The following ASPSCR1 variants were observed in gnomAD, a reference collection of about 807,000 sequenced individuals.
ASPSCR1 encodes the protein ASPSCR1 tether for SLC2A4, UBX domain containing.
Under a neutral mutation model 68.9 loss-of-function variants are expected in ASPSCR1, and 55 were observed. The observed-to-expected ratio is 0.80, with a 90% CI of 0.64 to 1.00. The LOEUF is 1.00. Ranked by LOEUF, ASPSCR1 falls within the 50% of genes least tolerant of loss-of-function variation. The pLI is 0.00. For synonymous variants in ASPSCR1, 352 were observed against 332.6 expected, an observed-to-expected ratio of 1.06 and a Z score of -0.63; for missense variants, 765 against 762.2, an observed-to-expected ratio of 1.00 and a Z score of -0.04.
chr17:82,004,346 T>C (rs1013799661), intron 7 of ASPSCR1: 6 of 151,952 alleles, frequency 3.9e-5, no homozygotes, highest in Non-Finnish European at 7.4e-5. Context: ...CCTTCCAGTT[T>C]CGGGGCATCT....
intron 12 of ASPSCR1, among the ~76,000 whole-genome samples, chr17:82,012,722 G>A (rs918585878): frequency 8.5e-5 from 13 of 152,146 alleles, no homozygotes; most frequent in African/African-American, 2.2e-4. Context: ...CCCCCTGCCC[G>A]GCCTCTCCCG....
At chr17:82,015,357 G>T in intron 12 of ASPSCR1, 1 of 1,596,554 alleles carries the variant, frequency 6.3e-7, no homozygotes. Context: ...GACAGGCCGG[G>T]TAGGCTGCCT....
In ASPSCR1 at chr17:81,977,944, G is replaced by C; in HGVS notation, c.102+196G>C. On this transcript the variant is annotated intron_variant, in intron 1 of 15. Coordinates refer to ENST00000306739, the MANE Select transcript of ASPSCR1 (RefSeq NM_024083.4). The surrounding 1 kb of genome is among the most constrained non-coding windows in gnomAD (Gnocchi z 5.0). ...GGGTCCCGGGGGTCCCGGGGGTCCC[G>C]AGTGGGGGCGGGGCGGTGGCGAGCC... 1 of 334,400 alleles carries C rather than the reference G, an allele frequency of 3.0e-6. No homozygotes were observed. The highest frequency in any genetic ancestry group is 5.2e-6 in the Non-Finnish European group (1 of 191,038). The allele number at this position is 334,400 out of a possible 1,614,324, so 20.7% of individuals were successfully genotyped here. A position where few individuals can be genotyped will look rare whatever the true frequency, so the allele number is the denominator to read the frequency against.
intron 7 of ASPSCR1, among the ~76,000 whole-genome samples, chr17:82,002,195 A>G (rs1333818335): frequency 6.6e-6 from 1 of 151,256 alleles, no homozygotes; most frequent in African/African-American, 2.4e-5. Flanking sequence ...AAAATTAAAA[A>G]GTGATTTTTT....
rs2042911687 is a variant in ASPSCR1, at chr17:82,010,822, C to T, written c.1191C>T (p.Phe397=). The change falls in exon 10 of 16, where the codon TTC becomes TTT. Residue 397 remains phenylalanine (F), a synonymous_variant. Transcript: ENST00000306739. ...CCTAGGTGGCTCTGAGGGTCCTGTTCCCCGACCGCTACGTCCTACAGGGCT... is the reference window on the plus strand; with the variant it reads ...CCTAGGTGGCTCTGAGGGTCCTGTTTCCCGACCGCTACGTCCTACAGGGCT... The part of the protein sequence containing the change: ...RYPKVALRVL[F]PDRYVLQGFF... The T allele has an allele frequency of 6.2e-7, 1 of 1,613,220 alleles. No individual in the cohort carries two copies. The highest frequency in any genetic ancestry group is 2.2e-5 in the East Asian group (1 of 44,872).
At chr17:81,991,789 C>T (rs978120871) in intron 4 of ASPSCR1, among the ~76,000 whole-genome samples, 7 of 152,234 alleles carry the variant, frequency 4.6e-5, no homozygotes, top group Non-Finnish European at 1.0e-4. Flanking sequence ...CTTCTGTTCC[C>T]GGCAGGGCGC....
chr17:81,988,306 C>T (rs1245269980), intron 4 of ASPSCR1, among the ~76,000 whole-genome samples: 2 of 151,902 alleles, frequency 1.3e-5, no homozygotes, highest in African/African-American at 4.8e-5. Flanking sequence ...ACTAAAAATA[C>T]AAAAATTAGC....
At chr17:82,008,898 C>A in intron 7 of ASPSCR1, 139 bp from the exon 8 acceptor site, 1 of 1,240,550 alleles carries the variant, frequency 8.1e-7, no homozygotes, top group Non-Finnish European at 1.1e-6. Flanking sequence ...CTGGCCTTGG[C>A]CCTGCGCTGG....
intron 5 of ASPSCR1, 186 bp downstream of exon 5, chr17:81,995,064 C>A: frequency 1.7e-6 from 1 of 572,032 alleles, no homozygotes; most frequent in Non-Finnish European, 3.0e-6. Flanking sequence ...CCCGAAACCT[C>A]CCTCGGCGCC....
intron 3 of ASPSCR1, among the ~76,000 whole-genome samples, chr17:81,984,139 AG>A (rs1209376146): frequency 6.6e-6 from 1 of 152,054 alleles, no homozygotes; most frequent in Non-Finnish European, 1.5e-5. Context: ...TGCAGGCGTG[AG>A]CCTCTGCGCC....
chr17:81,978,908 G>A, intron 1 of ASPSCR1: 1 of 538,986 alleles, frequency 1.9e-6, no homozygotes, highest in Non-Finnish European at 3.3e-6. Flanking sequence ...TGTGTGCCAG[G>A]AAGATGCCCG....
chr17:82,001,738 G>A (rs1402127059), intron 7 of ASPSCR1, among the ~76,000 whole-genome samples: 4 of 152,178 alleles, frequency 2.6e-5, no homozygotes, highest in Non-Finnish European at 5.9e-5. Context: ...TCCCCTGGTT[G>A]GGATTGTTCC....
intron 7 of ASPSCR1, 69 bp downstream of exon 7, chr17:81,996,915 T>C: frequency 6.6e-7 from 1 of 1,515,366 alleles, no homozygotes; most frequent in Non-Finnish European, 8.8e-7. Flanking sequence ...TGCGTGGCTT[T>C]AGCTGGTCAG....
intron 3 of ASPSCR1, among the ~76,000 whole-genome samples, chr17:81,985,170 ACACC>A (rs2041953841): frequency 2.0e-5 from 3 of 146,930 alleles, no homozygotes; most frequent in South Asian, 2.2e-4. Context: ...ACACCTGCAC[ACACC>A]CACACACCAA....
In ASPSCR1 at chr17:81,996,057, C is replaced by T; in HGVS notation, c.498C>T (p.Ala166=). The change falls in exon 6 of 16, where the codon GCC becomes GCT. Residue 166 remains alanine, a synonymous_variant. Coordinates refer to ENST00000306739, the MANE Select transcript of ASPSCR1 (RefSeq NM_024083.4). ...LQSLGLTGGS[A]TIRFVMKCYD... is the part of the protein sequence containing the mutation. Reference sequence around the variant, plus strand: ...CGCTGGGCCTGACCGGGGGCAGCGCCACCATCAGGTAAGGGCAGTGCTGCT... The same window carrying T: ...CGCTGGGCCTGACCGGGGGCAGCGCTACCATCAGGTAAGGGCAGTGCTGCT... The T allele has an allele frequency of 6.2e-7, 1 of 1,608,574 alleles. No individual in the cohort carries two copies. The highest frequency in any genetic ancestry group is 8.5e-7 in the Non-Finnish European group (1 of 1,178,488).
chr17:81,989,939 C>T (rs144524715), intron 4 of ASPSCR1, among the ~76,000 whole-genome samples: 1 of 152,340 alleles, frequency 6.6e-6, no homozygotes, highest in Non-Finnish European at 1.5e-5. Context: ...TGGCGCACGC[C>T]ATCACGCCTG....
At position 82,016,484 on chromosome 17, in the gene ASPSCR1, C is replaced by T; in HGVS notation, c.1362C>T (p.Leu454=). 1 of 1,548,850 alleles carries T rather than the reference C, an allele frequency of 6.5e-7. No homozygotes were observed. Among genetic ancestry groups the T allele is most frequent in the Non-Finnish European group, 8.7e-7 (1 of 1,147,152 alleles). Residue 454 remains leucine, a synonymous_variant, in exon 13 of 16, where the codon CTC becomes CTT. Coordinates refer to ENST00000306739, the MANE Select transcript of ASPSCR1 (RefSeq NM_024083.4). ...DHTQTLFQAN[L]FPAALVHLGA... Reference sequence around the variant, plus strand: ...CCCCGCCCTCCCTGCAGGCGAACCTCTTCCCGGCCGCTCTGGTGCACTTGG... The same window carrying T: ...CCCCGCCCTCCCTGCAGGCGAACCTTTTCCCGGCCGCTCTGGTGCACTTGG...
chr17:81,994,138 G>A (rs1285506962), intron 4 of ASPSCR1, among the ~76,000 whole-genome samples: 1 of 152,278 alleles, frequency 6.6e-6, no homozygotes, highest in East Asian at 1.9e-4. Context: ...GGGCTGCCAT[G>A]CACATCAGGC....
Position 82,016,874 on chromosome 17 carries a change from G to A in ASPSCR1, c.1475+5G>A, listed in dbSNP as rs1306756883. On this transcript the variant is annotated splice_donor_5th_base_variant and intron_variant, in intron 14 of 15. Coordinates refer to ENST00000306739, the MANE Select transcript of ASPSCR1 (RefSeq NM_024083.4). ...GGCCGATGTGCTGGTGGCCAGGTAA[G>A]TGCCGGTGGGTCTGGGGGCACCTCC... The A allele has an allele frequency of 6.2e-7, 1 of 1,612,592 alleles. No homozygotes were observed. Among genetic ancestry groups the A allele is most frequent in the Non-Finnish European group, 8.5e-7 (1 of 1,179,954 alleles).
Sources: gnomAD v4.1 joint callset for allele counts (sites outside exome capture counted in the v4.1 genomes callset) on GRCh38, gnomAD v4.1.1 for gene constraint, Gnocchi (gnomAD v3.1) non-coding constraint, MANE v1.5 for transcripts, NCBI Gene and HGNC (gene_info 2026-07-23, HGNC 2026-07-21) for gene names.